Variants in CMTM8 observed in about 807,000 individuals in gnomAD.
CMTM8 encodes the protein CKLF-like MARVEL transmembrane domain-containing protein 8.
Under a neutral mutation model 18.6 loss-of-function variants are expected in CMTM8, and 12 were observed. The observed-to-expected ratio is 0.65, with a 90% CI of 0.41 to 1.05. CMTM8 has a LOEUF of 1.05. Among genes scored for constraint, CMTM8 ranks in the 50% least tolerant of loss-of-function variants. The probability of loss-of-function intolerance (pLI) is 0.00; values close to 1 mark genes in which losing one functional copy is unlikely to be tolerated. For missense variants in CMTM8, 217 were observed against 227.2 expected, an observed-to-expected ratio of 0.95 and a Z score of 0.29; for synonymous variants, 87 against 90.6, an observed-to-expected ratio of 0.96 and a Z score of 0.23.
At chr3:32,318,783 G>A (rs1241567678) in intron 1 of CMTM8, among the ~76,000 whole-genome samples, 1 of 150,946 alleles carries the variant, frequency 6.6e-6, no homozygotes, top group Non-Finnish European at 1.5e-5. Context: ...TAGCCAGGAT[G>A]GTCTCGATCT....
intron 1 of CMTM8, among the ~76,000 whole-genome samples, chr3:32,326,515 CTTTTTTTTTTTT>C (rs58555396): frequency 5.3e-5 from 6 of 113,372 alleles, no homozygotes; most frequent in Non-Finnish European, 1.1e-4. Flanking sequence ...TTCTTTCTTT[CTTTTTTTTTTTT>C]TTTTTTTTTG....
intron 1 of CMTM8, among the ~76,000 whole-genome samples, chr3:32,347,332 A>T (rs1236854194): frequency 7.4e-6 from 1 of 134,418 alleles, no homozygotes; most frequent in Non-Finnish European, 1.6e-5. Context: ...CTCTTTATAG[A>T]CACTCTGTTT....
At chr3:32,251,080 C>T (rs1279341886) in intron 1 of CMTM8, among the ~76,000 whole-genome samples, 1 of 152,122 alleles carries the variant, frequency 6.6e-6, no homozygotes, top group Non-Finnish European at 1.5e-5. Flanking sequence ...AGATTTGTTT[C>T]TGCAAATACT....
At chr3:32,331,786 A>G (rs1048546866) in intron 1 of CMTM8, among the ~76,000 whole-genome samples, 1 of 152,236 alleles carries the variant, frequency 6.6e-6, no homozygotes, top group East Asian at 1.9e-4. Flanking sequence ...AGTCATAGAA[A>G]GTCAAATACT....
At chr3:32,355,968 A>G (rs1170417259) in intron 1 of CMTM8, among the ~76,000 whole-genome samples, 2 of 152,064 alleles carry the variant, frequency 1.3e-5, no homozygotes, top group Non-Finnish European at 1.5e-5. Context: ...CATTTCCCCC[A>G]TCATAGACCC....
At chr3:32,361,826 C>T (rs1238122126) in intron 2 of CMTM8, among the ~76,000 whole-genome samples, 1 of 152,128 alleles carries the variant, frequency 6.6e-6, no homozygotes, top group Non-Finnish European at 1.5e-5. Context: ...TTCAGGGAGA[C>T]TTGGATAGGT....
chr3:32,354,512 C>T (rs939735609), intron 1 of CMTM8, among the ~76,000 whole-genome samples: 1 of 152,190 alleles, frequency 6.6e-6, no homozygotes, highest in African/African-American at 2.4e-5. Context: ...CTAGACAATG[C>T]AGACCTGGAC....
rs866535429 is a variant in CMTM8 at position 32,331,865 on chromosome 3, G to A, written c.148-25508G>A. Among the ~76,000 whole-genome samples the A allele has an allele frequency of 5.3e-5, 8 of 152,250 alleles. No individual in the cohort carries two copies. In the Middle Eastern group the frequency reaches 0.024, roughly 453 times the overall value. ...TAGAAAGTAGAATGAAAAGTAGAAT[G>A]CCAAGGGATAAAGAGAGGGTGCAAG... On this transcript the variant is annotated intron_variant, in intron 1 of 3. Transcript: ENST00000307526.
intron 1 of CMTM8, among the ~76,000 whole-genome samples, chr3:32,275,743 G>T (rs1045657043): frequency 6.9e-6 from 1 of 145,364 alleles, no homozygotes; most frequent in Non-Finnish European, 1.5e-5. Flanking sequence ...TCCACCTCCA[G>T]GGCTCAAGCA....
At chr3:32,344,369 C>T (rs1451698609) in intron 1 of CMTM8, among the ~76,000 whole-genome samples, 1 of 152,160 alleles carries the variant, frequency 6.6e-6, no homozygotes, top group African/African-American at 2.4e-5. Flanking sequence ...CCAGTCAAGA[C>T]TAAAGTCAAA....
intron 1 of CMTM8, among the ~76,000 whole-genome samples, chr3:32,309,367 G>A (rs1695777598): frequency 1.4e-5 from 2 of 146,698 alleles, no homozygotes; most frequent in Admixed American, 7.0e-5. Context: ...GAGTGCAGTG[G>A]TACAATCTCA....
chr3:32,321,799 A>G (rs947853465), intron 1 of CMTM8, among the ~76,000 whole-genome samples: 2 of 152,032 alleles, frequency 1.3e-5, no homozygotes, highest in Admixed American at 6.6e-5. Flanking sequence ...GAGTCTCACT[A>G]TGTTGCCCAG....
chr3:32,330,299 A>G (rs569764974), intron 1 of CMTM8, among the ~76,000 whole-genome samples: 1 of 151,934 alleles, frequency 6.6e-6, no homozygotes, highest in East Asian at 1.9e-4. Context: ...AGAAAGAAGA[A>G]TAAAGCCACA....
chr3:32,330,904 G>A (rs11706397), intron 1 of CMTM8, among the ~76,000 whole-genome samples: 6 of 151,946 alleles, frequency 3.9e-5, no homozygotes, highest in Non-Finnish European at 8.8e-5. Context: ...AATGAGAAAA[G>A]CTTCATGACA....
chr3:32,361,489 A>G (rs1696931006), intron 2 of CMTM8, among the ~76,000 whole-genome samples: 1 of 152,080 alleles, frequency 6.6e-6, no homozygotes, highest in South Asian at 2.1e-4. Context: ...TTACTACCAA[A>G]TGACTTTTGA....
At chr3:32,323,262 C>T (rs973205381) in intron 1 of CMTM8, among the ~76,000 whole-genome samples, 2 of 152,256 alleles carry the variant, frequency 1.3e-5, no homozygotes, top group East Asian at 1.9e-4. Flanking sequence ...GCCACGCATC[C>T]GTCTAGCTTC....
intron 1 of CMTM8, among the ~76,000 whole-genome samples, chr3:32,310,651 AT>A: frequency 6.6e-6 from 1 of 152,290 alleles, no homozygotes; most frequent in East Asian, 1.9e-4. Context: ...GATTATCCTT[AT>A]GGTCAGCTAT....
chr3:32,354,302 A>G (rs1333203569), intron 1 of CMTM8, among the ~76,000 whole-genome samples: 1 of 152,226 alleles, frequency 6.6e-6, no homozygotes, highest in East Asian at 1.9e-4. Context: ...TAGTGGTTAT[A>G]GTGGAGACAA....
At chr3:32,247,113 T>G (rs888853577) in intron 1 of CMTM8, among the ~76,000 whole-genome samples, 7 of 152,000 alleles carry the variant, frequency 4.6e-5, no homozygotes, top group Non-Finnish European at 7.4e-5. Flanking sequence ...AAAATAAAAA[T>G]TAAAAAAAGA....
Sources: gnomAD v4.1 joint callset for allele counts (sites outside exome capture counted in the v4.1 genomes callset) on GRCh38, gnomAD v4.1.1 for gene constraint, MANE v1.5 for transcripts, NCBI Gene and HGNC (gene_info 2026-07-23, HGNC 2026-07-21) for gene names.